The following PLXNC1 variants were observed in gnomAD, a reference collection of about 807,000 sequenced individuals.
The protein encoded by PLXNC1 is plexin C1.
In PLXNC1, 75 loss-of-function variants were observed where a neutral mutation model predicts 178.2. The observed-to-expected ratio is 0.42, with a 90% CI of 0.35 to 0.51. The LOEUF is 0.51. Ranked by LOEUF, PLXNC1 falls within the 20% of genes least tolerant of loss-of-function variation. The probability of loss-of-function intolerance (pLI) is 0.02; values close to 1 mark genes in which losing one functional copy is unlikely to be tolerated. For missense variants in PLXNC1, 1,503 were observed against 1,984.4 expected (o/e 0.76, Z 4.61); for synonymous variants, 790 against 779.9 (o/e 1.01, Z -0.22).
chr12:94,177,091 GTA>G (rs1219806586), intron 2 of PLXNC1, among the ~76,000 whole-genome samples: 42 of 139,712 alleles, frequency 3.0e-4, no homozygotes, highest in African/African-American at 5.4e-4. Flanking sequence ...ATATATATGT[GTA>G]TATATATATG....
intron 14 of PLXNC1, among the ~76,000 whole-genome samples, chr12:94,251,194 GGTCT>G (rs1964675078): frequency 6.6e-6 from 1 of 152,156 alleles, no homozygotes; most frequent in African/African-American, 2.4e-5. Flanking sequence ...AGACTCTGAG[GGTCT>G]AGTCCAGCAT....
chr12:94,276,958 G>A (rs986309255), intron 21 of PLXNC1: 3 of 152,138 alleles, frequency 2.0e-5, no homozygotes, highest in Admixed American at 6.5e-5. Context: ...CCACTGATTC[G>A]GAGTTTTAAT....
At chr12:94,201,709 C>T (rs536416891) in intron 4 of PLXNC1, among the ~76,000 whole-genome samples, 2 of 146,994 alleles carry the variant, frequency 1.4e-5, no homozygotes, top group East Asian at 4.0e-4. Context: ...AGATACTTTG[C>T]ACATGCTGTT....
At chr12:94,262,723 C>T in intron 20 of PLXNC1, 1 of 985,446 alleles carries the variant, frequency 1.0e-6, no homozygotes. Context: ...TGTCCTACCC[C>T]ACAGACGTTT....
Position 94,307,503 on chromosome 12 carries a change from TAA to T in PLXNC1, c.*2220_*2221del, listed in dbSNP as rs912914757. On this transcript the variant is annotated 3_prime_UTR_variant, in exon 31 of 31. Transcript: ENST00000258526. Reference sequence around the variant, plus strand: ...TATTTTTTTGGTGCAAAACCATTTATAAACTTTTTTTTCTAACACTAGTGTCT... The same window carrying T: ...TATTTTTTTGGTGCAAAACCATTTATACTTTTTTTTCTAACACTAGTGTCT... The T allele has an allele frequency of 3.3e-5, 5 of 152,334 alleles. No homozygotes were observed. The highest frequency in any genetic ancestry group is 1.2e-4 in the African/African-American group (5 of 41,580). 9.4% of individuals were successfully genotyped at this position (152,334 alleles called of 1,614,324 possible).
rs1407638253 is a variant in PLXNC1 at position 94,248,051 on chromosome 12, T to A, written c.2537T>A (p.Phe846Tyr). 6.2e-7 allele frequency: 1 copy of A among 1,614,044 alleles called. No homozygotes were observed. The highest frequency in any genetic ancestry group is 8.5e-7 in the Non-Finnish European group (1 of 1,179,918). The change falls in exon 13 of 31, where the codon TTC becomes TAC. Residue 846 changes from phenylalanine to tyrosine, a missense_variant. By Grantham distance (22) the Phe-to-Tyr change is conservative (BLOSUM62 3). Transcript: ENST00000258526. ...GTLQYREDPR[F>Y]TGYRVESEVD... The stretch of plus-strand genomic sequence containing the variant: ...CTGCAGTATCGGGAGGACCCCAGAT[T>A]CACGGGGTATCGGGTGGAATCCGAG...
chr12:94,301,629 A>G (rs73230151), intron 28 of PLXNC1, among the ~76,000 whole-genome samples: 16,525 of 152,174 alleles, frequency 0.11, 1,108 homozygotes, highest in Non-Finnish European at 0.14. Flanking sequence ...AGCGCTCCAA[A>G]ATATACTAAA....
chr12:94,229,508 A>T (rs1007589641), intron 9 of PLXNC1, among the ~76,000 whole-genome samples: 1 of 152,106 alleles, frequency 6.6e-6, no homozygotes, highest in Non-Finnish European at 1.5e-5. Flanking sequence ...TTCTTTCTGC[A>T]TTTATTTGTA....
intron 21 of PLXNC1, among the ~76,000 whole-genome samples, chr12:94,266,601 G>A (rs926899269): frequency 3.9e-5 from 6 of 152,170 alleles, no homozygotes; most frequent in Non-Finnish European, 7.4e-5. Context: ...TGGTAGAGTG[G>A]TTAACAGCAT....
chr12:94,253,211 G>GGAAA (rs777541052), intron 15 of PLXNC1, among the ~76,000 whole-genome samples: 1 of 42,018 alleles, frequency 2.4e-5, no homozygotes, highest in African/African-American at 5.9e-5. Flanking sequence ...CTCCGTCTCA[G>GGAAA]AAAAAAAAAA....
chr12:94,276,340 G>A (rs1965955431), intron 21 of PLXNC1, among the ~76,000 whole-genome samples: 1 of 152,126 alleles, frequency 6.6e-6, no homozygotes, highest in Non-Finnish European at 1.5e-5. Context: ...CGTAGGTGGT[G>A]GCACCAGCAT....
chr12:94,297,645 A>G (rs1251595956), intron 26 of PLXNC1, among the ~76,000 whole-genome samples: 1 of 152,222 alleles, frequency 6.6e-6, no homozygotes, highest in Non-Finnish European at 1.5e-5. Flanking sequence ...ATCTTCAGTC[A>G]GGGATTTAAT....
At chr12:94,251,301 A>C in intron 14 of PLXNC1, 125 bp from the exon 15 acceptor site, 1 of 640,234 alleles carries the variant, frequency 1.6e-6, no homozygotes, top group Admixed American at 2.6e-5. Flanking sequence ...ATGAGAGTTG[A>C]ACTCAGATAT....
chr12:94,298,841 G>C (rs2136220549), intron 27 of PLXNC1, 46 bp downstream of exon 27: 3 of 1,531,710 alleles, frequency 2.0e-6, no homozygotes, highest in Non-Finnish European at 2.7e-6. Flanking sequence ...ATCTGGGACA[G>C]AATATTAACT....
At chr12:94,156,556 C>G (rs1433233491) in intron 1 of PLXNC1, among the ~76,000 whole-genome samples, 4 of 151,320 alleles carry the variant, frequency 2.6e-5, no homozygotes, top group Non-Finnish European at 5.9e-5. Context: ...CGGCTCACTG[C>G]AACTACCTCC....
intron 8 of PLXNC1, among the ~76,000 whole-genome samples, 160 bp downstream of exon 8, chr12:94,226,867 T>G (rs1306270126): frequency 1.3e-5 from 2 of 152,008 alleles, no homozygotes; most frequent in Non-Finnish European, 2.9e-5. Flanking sequence ...CTACTAAAAA[T>G]ACAAAGTTAG....
chr12:94,155,428 G>T (rs544661156), intron 1 of PLXNC1, among the ~76,000 whole-genome samples: 1 of 152,326 alleles, frequency 6.6e-6, no homozygotes, highest in Non-Finnish European at 1.5e-5. Context: ...TTGAAGTCAT[G>T]CTTAGGTTTA....
At chr12:94,204,340 G>T (rs888113119) in intron 4 of PLXNC1, among the ~76,000 whole-genome samples, 6 of 152,154 alleles carry the variant, frequency 3.9e-5, no homozygotes, top group Non-Finnish European at 7.3e-5. Context: ...CTGTGAAGCA[G>T]GGACAATTAT....
At chr12:94,272,093 C>T (rs915558687) in intron 21 of PLXNC1, 2 of 152,202 alleles carry the variant, frequency 1.3e-5, no homozygotes, top group Non-Finnish European at 2.9e-5. Context: ...TGGCCCTCTT[C>T]CCGGGCCTTC....
Sources: allele counts gnomAD v4.1 joint callset (sites outside exome capture counted in the v4.1 genomes callset), GRCh38; gene constraint gnomAD v4.1.1; transcripts MANE v1.5; gene names NCBI Gene and HGNC (gene_info 2026-07-23, HGNC 2026-07-21).